CSMD2: variants seen among roughly 807,000 people sequenced by gnomAD.
CSMD2 encodes the protein CUB and Sushi multiple domains 2.
CSMD2 carries 130 observed loss-of-function variants against 398.5 expected under a neutral mutation model. That is an observed-to-expected ratio of 0.33 (90% CI 0.28 to 0.38). The LOEUF (loss-of-function observed/expected upper bound fraction) is 0.38. Among genes scored for constraint, CSMD2 ranks in the 10% least tolerant of loss-of-function variants. CSMD2 has a pLI of 1.00. For missense variants in CSMD2, 3,829 were observed against 4,764.9 expected, an observed-to-expected ratio of 0.80 and a Z score of 5.78; for synonymous variants, 1,828 against 1,908.5, an observed-to-expected ratio of 0.96 and a Z score of 1.10.
At chr1:34,085,127 A>G (rs980996431) in intron 2 of CSMD2, among the ~76,000 whole-genome samples, 18 of 152,152 alleles carry the variant, frequency 1.2e-4, no homozygotes, top group Non-Finnish European at 1.6e-4. Flanking sequence ...AACTATCACA[A>G]GGACAAAAAA....
intron 15 of CSMD2, among the ~76,000 whole-genome samples, chr1:33,733,898 G>A (rs1168846137): frequency 6.6e-6 from 1 of 152,220 alleles, no homozygotes; most frequent in Admixed American, 6.5e-5. Flanking sequence ...TAATACAGAT[G>A]TAAAGCAATT....
chr1:34,021,728 T>A (rs994651854), intron 3 of CSMD2, among the ~76,000 whole-genome samples: 3 of 152,018 alleles, frequency 2.0e-5, no homozygotes, highest in Admixed American at 1.3e-4. Flanking sequence ...TAACAGGTGA[T>A]CACATGGTAA....
At chr1:34,158,784 C>T (rs977807806) in intron 1 of CSMD2, among the ~76,000 whole-genome samples, 1 of 152,174 alleles carries the variant, frequency 6.6e-6, no homozygotes, top group African/African-American at 2.4e-5. Context: ...AGGTTTAATC[C>T]CGCCTTCTTT....
At chr1:33,853,213 C>A (rs1321440085) in intron 5 of CSMD2, among the ~76,000 whole-genome samples, 2 of 152,238 alleles carry the variant, frequency 1.3e-5, no homozygotes, top group African/African-American at 4.8e-5. Flanking sequence ...ACTACAACCA[C>A]AATGCATCAT....
At chr1:33,804,867 T>C (rs1656037675) in intron 10 of CSMD2, 1 of 717,450 alleles carries the variant, frequency 1.4e-6, no homozygotes. Flanking sequence ...ACCCTCCTTG[T>C]TGCATTGTAT....
At chr1:34,156,573 C>A (rs1353347709) in intron 1 of CSMD2, among the ~76,000 whole-genome samples, 1 of 152,086 alleles carries the variant, frequency 6.6e-6, no homozygotes, top group African/African-American at 2.4e-5. Flanking sequence ...TATTTGAAAA[C>A]CTTGAAGATG....
rs376307224 is a variant in CSMD2, at chr1:34,032,647, C to T, written c.464G>A (p.Arg155His). 138 of 1,602,502 alleles carry T rather than the reference C, an allele frequency of 8.6e-5. 1 individual carries two copies. Among genetic ancestry groups the T allele is most frequent in the South Asian group, 2.4e-4 (21 of 88,128 alleles). ...ACTGACTGCATAGTCGCTGATGAGG[C>T]GCAGAGAGAGGGTGGTGGCTGCACT... is the stretch of plus-strand genomic sequence containing the variant. ...IVSAATTLSLRLISDYAVSAQ... is the reference protein window; with the variant it reads ...IVSAATTLSLHLISDYAVSAQ... Residue 155 changes from arginine to histidine, a missense_variant, in exon 3 of 71, where the codon CGC becomes CAC. Coordinates refer to ENST00000373381, the MANE Select transcript of CSMD2 (RefSeq NM_001281956.2).
At chr1:34,037,267 G>A (rs145358039) in intron 2 of CSMD2, among the ~76,000 whole-genome samples, 8 of 152,042 alleles carry the variant, frequency 5.3e-5, no homozygotes, top group Non-Finnish European at 1.0e-4. Context: ...CACTCCAGCC[G>A]CCTCCTATCC....
At position 33,572,634 on chromosome 1, in the gene CSMD2, T is replaced by G; in HGVS notation, c.7634A>C (p.Tyr2545Ser). ...PKNGMVFGKEYTVGTKAMYSC... is the reference protein window; with the variant it reads ...PKNGMVFGKESTVGTKAMYSC... Reference sequence around the variant, plus strand: ...GTACATGGCCTTGGTTCCCACTGTGTACTCCTTGCCAAACACCATTCCATT... The same window carrying G: ...GTACATGGCCTTGGTTCCCACTGTGGACTCCTTGCCAAACACCATTCCATT... The change falls in exon 50 of 71, where the codon TAC (tyrosine) becomes TCC (serine). Residue 2545 changes from tyrosine (Y) to serine (S), a missense_variant. By Grantham distance (144) the Tyr-to-Ser change is moderately radical. This residue lies in a region of CSMD2 where 723 missense variants were observed against 758.6 expected (regional missense o/e 0.95). Coordinates refer to ENST00000373381, the MANE Select transcript of CSMD2 (RefSeq NM_001281956.2). 6.2e-7 allele frequency: 1 copy of G among 1,614,024 alleles called. No homozygotes were observed. The highest frequency in any genetic ancestry group is 1.3e-5 in the African/African-American group (1 of 75,040).
rs10610868 is a variant in CSMD2 at position 33,862,343 on chromosome 1, C to CTGTGTGTGTGTGTGTGTGTGTGTGTGTG, written c.921-15375_921-15348dup. 4 of 114,004 alleles carry CTGTGTGTGTGTGTGTGTGTGTGTGTGTG rather than the reference C, an allele frequency of 3.5e-5. 1 individual carries two copies. Among genetic ancestry groups the CTGTGTGTGTGTGTGTGTGTGTGTGTGTG allele is most frequent in the Non-Finnish European group, 7.3e-5 (4 of 54,904 alleles). The allele number at this position is 114,004 out of a possible 1,614,324, so 7.1% of individuals were successfully genotyped here. A position where few individuals can be genotyped will look rare whatever the true frequency, so the allele number is the denominator to read the frequency against. ...GGTTAAGAGGCACAGATAAGCTACT[C>CTGTGTGTGTGTGTGTGTGTGTGTGTGTG]TGTGTGTGTGTGTGTGTGTGTGTGT... is the stretch of plus-strand genomic sequence containing the variant. On this transcript the variant is annotated intron_variant, in intron 5 of 70. Transcript: ENST00000373381.
chr1:33,826,984 C>A (rs192653154), intron 6 of CSMD2, among the ~76,000 whole-genome samples: 4 of 152,198 alleles, frequency 2.6e-5, no homozygotes, highest in Non-Finnish European at 5.9e-5. Flanking sequence ...CTTAAATCAG[C>A]GTCCTTGACT....
chr1:33,612,331 C>A (rs1012857575), intron 40 of CSMD2, among the ~76,000 whole-genome samples: 1 of 152,208 alleles, frequency 6.6e-6, no homozygotes, highest in Non-Finnish European at 1.5e-5. Flanking sequence ...AAAGACTCGA[C>A]ACTTAATGTT....
intron 6 of CSMD2, among the ~76,000 whole-genome samples, chr1:33,832,764 AAAG>A (rs1324411772): frequency 6.6e-6 from 1 of 151,742 alleles, no homozygotes; most frequent in East Asian, 1.9e-4. Context: ...CAAGACTAAT[AAAG>A]AAGAAAAGAG....
At chr1:34,165,617 CAG>C, upstream of CSMD2, 1 of 787,896 alleles carries the variant, frequency 1.3e-6, no homozygotes, top group South Asian at 1.6e-5. Context: ...CACACACACA[CAG>C]TGACAGAGAC....
At chr1:33,678,463 G>A (rs928141955) in intron 25 of CSMD2, among the ~76,000 whole-genome samples, 2 of 152,086 alleles carry the variant, frequency 1.3e-5, no homozygotes, top group African/African-American at 4.8e-5. Context: ...CACCACTGCA[G>A]GAACACAATA....
rs66489770 is a variant in CSMD2, at chr1:33,680,918, C to CTTTTTTTTTTTTTTT, written c.4052+11997_4052+12011dup. 3.0e-4 allele frequency among the ~76,000 whole-genome samples: 23 copies of CTTTTTTTTTTTTTTT among 75,940 alleles called. 1 individual carries two copies. Among genetic ancestry groups the CTTTTTTTTTTTTTTT allele is most frequent in the South Asian group, 6.2e-4 (1 of 1,612 alleles). 49.8% of individuals were successfully genotyped at this position (75,940 alleles called of 152,430 possible). A position where few individuals can be genotyped will look rare whatever the true frequency, so the allele number is the denominator to read the frequency against. ...CTTATTTCCATCATCCTGTTTTATG[C>CTTTTTTTTTTTTTTT]TTTTTTTTTTTTTTTTTTTTTTTTG... On this transcript the variant is annotated intron_variant, in intron 25 of 70. Coordinates refer to ENST00000373381, the MANE Select transcript of CSMD2 (RefSeq NM_001281956.2).
intron 10 of CSMD2, among the ~76,000 whole-genome samples, chr1:33,805,928 A>C (rs867146751): frequency 6.6e-6 from 1 of 152,058 alleles, no homozygotes; most frequent in Non-Finnish European, 1.5e-5. Flanking sequence ...AGTAGACTAC[A>C]TTAGTGTAAT....
intron 3 of CSMD2, among the ~76,000 whole-genome samples, chr1:33,954,178 G>A (rs1383259228): frequency 1.3e-5 from 2 of 152,156 alleles, no homozygotes; most frequent in Non-Finnish European, 2.9e-5. Flanking sequence ...AGTAGGTATA[G>A]TACTATCATG....
chr1:33,587,471 T>C (rs938346912), intron 44 of CSMD2, among the ~76,000 whole-genome samples: 1 of 152,216 alleles, frequency 6.6e-6, no homozygotes, highest in African/African-American at 2.4e-5. Context: ...TTTTATAGGC[T>C]GCCACTCTAA....
Sources: allele counts gnomAD v4.1 joint callset (sites outside exome capture counted in the v4.1 genomes callset), GRCh38; gene constraint gnomAD v4.1.1; regional missense constraint gnomAD v4.1.1; transcripts MANE v1.5; gene names NCBI Gene and HGNC (gene_info 2026-07-23, HGNC 2026-07-21).